The following RIMS1 variants were observed in gnomAD, a reference collection of about 807,000 sequenced individuals.
RIMS1 encodes regulating synaptic membrane exocytosis 1.
A neutral mutation model predicts 214.1 loss-of-function variants in RIMS1; 83 were observed. The observed-to-expected ratio is 0.39, with a 90% CI of 0.32 to 0.47. RIMS1 has a LOEUF of 0.47. Among genes scored for constraint, RIMS1 ranks in the 20% least tolerant of loss-of-function variants. RIMS1 has a pLI of 0.99. For missense variants in RIMS1, 2,050 were observed against 2,161.8 expected, an observed-to-expected ratio of 0.95 and a Z score of 1.03; for synonymous variants, 793 against 786.8, an observed-to-expected ratio of 1.01 and a Z score of -0.13.
intron 2 of RIMS1, among the ~76,000 whole-genome samples, chr6:71,971,066 A>G (rs1795728877): frequency 6.6e-6 from 1 of 152,174 alleles, no homozygotes; most frequent in Admixed American, 6.5e-5. Flanking sequence ...AGTGCCCCCC[A>G]GGTTAGTATT....
intron 28 of RIMS1, among the ~76,000 whole-genome samples, chr6:72,325,634 A>C (rs2096423218): frequency 6.6e-6 from 1 of 151,834 alleles, no homozygotes; most frequent in Non-Finnish European, 1.5e-5. Context: ...AAATAAATCT[A>C]AGACCTAGGA....
rs1318137952 is a variant in RIMS1, at chr6:72,265,388, A to T, written c.3195-2A>T. 1 of 1,484,742 alleles carries T rather than the reference A, an allele frequency of 6.7e-7. No homozygotes were observed. Among genetic ancestry groups the T allele is most frequent in the Non-Finnish European group, 9.3e-7 (1 of 1,077,238 alleles). The allele number at this position is 1,484,742 out of a possible 1,614,324, so 92.0% of individuals were successfully genotyped here. On this transcript the variant is annotated splice_acceptor_variant, in intron 20 of 33. Transcript: ENST00000521978. LOFTEE classifies it high-confidence loss of function. ...ATTTTTGTGTAATTTTAATTTGTGG[A>T]GCTCAATTCTGCCTGCACATACTAA...
intron 1 of RIMS1, among the ~76,000 whole-genome samples, chr6:71,962,596 A>G (rs1021504753): frequency 2.0e-5 from 3 of 152,136 alleles, no homozygotes; most frequent in Non-Finnish European, 2.9e-5. Context: ...TCACTGTTCC[A>G]TCTTCATCTT....
chr6:72,171,352 G>T (rs998814907), intron 4 of RIMS1, among the ~76,000 whole-genome samples: 1 of 150,058 alleles, frequency 6.7e-6, no homozygotes, highest in Non-Finnish European at 1.5e-5. Flanking sequence ...TATTACGTGT[G>T]TGTGTGTATA....
intron 2 of RIMS1, among the ~76,000 whole-genome samples, chr6:72,046,464 A>T (rs528403852): frequency 6.6e-6 from 1 of 152,196 alleles, no homozygotes; most frequent in Non-Finnish European, 1.5e-5. Context: ...ATTAAGAGGG[A>T]TTAGCCTTGA....
At chr6:72,047,286 T>A (rs965603543) in intron 2 of RIMS1, among the ~76,000 whole-genome samples, 2 of 152,168 alleles carry the variant, frequency 1.3e-5, no homozygotes, top group Admixed American at 6.6e-5. Flanking sequence ...AGAAGCACCA[T>A]TGTGACACTC....
chr6:72,179,756 C>G lies in RIMS1; in HGVS notation c.653C>G (p.Ser218Cys). ...KKARLQERSRSQTPLSTAAAS... is the reference protein window; with the variant it reads ...KKARLQERSRCQTPLSTAAAS... ...GCACGACTCCAAGAGCGATCGCGGTCTCAGACACCCCTAAGCACAGCAGCT... is the reference window on the plus strand; with the variant it reads ...GCACGACTCCAAGAGCGATCGCGGTGTCAGACACCCCTAAGCACAGCAGCT... Residue 218 changes from serine (S) to cysteine (C), a missense_variant, in exon 5 of 34, where the codon TCT (serine) becomes TGT (cysteine). Ser to Cys is a moderately radical substitution (Grantham distance 112). This residue lies in a region of RIMS1 where 882 missense variants were observed against 828.9 expected (regional missense o/e 1.06). Transcript: ENST00000521978. 1 of 1,613,868 alleles carries G rather than the reference C, an allele frequency of 6.2e-7. No homozygotes were observed. Among genetic ancestry groups the G allele is most frequent in the Non-Finnish European group, 8.5e-7 (1 of 1,179,886 alleles).
At chr6:71,944,895 C>T (rs985486066) in intron 1 of RIMS1, among the ~76,000 whole-genome samples, 11 of 152,188 alleles carry the variant, frequency 7.2e-5, no homozygotes, top group African/African-American at 2.2e-4. Context: ...TTAGACATTG[C>T]GTTGTTATCT....
intron 23 of RIMS1, among the ~76,000 whole-genome samples, chr6:72,281,519 A>G (rs569524972): frequency 4.6e-5 from 7 of 152,224 alleles, no homozygotes; most frequent in African/African-American, 1.4e-4. Context: ...AAAGCAGGCT[A>G]TTTCAAAAAG....
intron 2 of RIMS1, among the ~76,000 whole-genome samples, chr6:72,024,980 A>G (rs1347251121): frequency 7.1e-6 from 1 of 140,148 alleles, no homozygotes; most frequent in Admixed American, 7.7e-5. Flanking sequence ...CTCGGCTCAG[A>G]GCAACCTCCG....
chr6:72,215,803 A>G (rs2154021238), intron 6 of RIMS1, among the ~76,000 whole-genome samples: 1 of 152,314 alleles, frequency 6.6e-6, no homozygotes, highest in South Asian at 2.1e-4. Flanking sequence ...AATTGTTCAA[A>G]TTAGTCATTT....
intron 29 of RIMS1, among the ~76,000 whole-genome samples, chr6:72,337,346 G>A (rs2096876719): frequency 1.3e-5 from 2 of 151,668 alleles, no homozygotes; most frequent in Admixed American, 1.3e-4. Flanking sequence ...TTATTGGGAA[G>A]GTTCTACAAA....
At chr6:71,995,006 A>G (rs1802949543) in intron 2 of RIMS1, among the ~76,000 whole-genome samples, 1 of 152,240 alleles carries the variant, frequency 6.6e-6, no homozygotes, top group Non-Finnish European at 1.5e-5. Context: ...GTTCTGAATT[A>G]TGTGAGATCT....
intron 4 of RIMS1, among the ~76,000 whole-genome samples, chr6:72,104,751 G>A (rs2034378860): frequency 6.6e-6 from 1 of 152,088 alleles, no homozygotes; most frequent in African/African-American, 2.4e-5. Flanking sequence ...TACATTTGCT[G>A]TATACACTTC....
chr6:71,896,719 T>C (rs191287335), intron 1 of RIMS1, among the ~76,000 whole-genome samples: 164 of 152,278 alleles, frequency 1.1e-3, no homozygotes, highest in African/African-American at 3.9e-3. Context: ...TGAAGAATCT[T>C]TTGAAGCTCC....
chr6:71,945,073 G>A (rs1024326942), intron 1 of RIMS1, among the ~76,000 whole-genome samples: 8 of 152,126 alleles, frequency 5.3e-5, no homozygotes, highest in African/African-American at 1.9e-4. Context: ...GGTTCTAGTA[G>A]GAAAGAGATG....
intron 19 of RIMS1, chr6:72,262,685 G>A: frequency 1.2e-6 from 1 of 841,712 alleles, no homozygotes; most frequent in Non-Finnish European, 1.4e-6. Context: ...GTCAAAATGT[G>A]TACATATAAA....
chr6:71,911,143 G>A lies in RIMS1; in HGVS notation c.164+23956G>A, dbSNP rs185321265. Among the ~76,000 whole-genome samples, 448 of 152,208 alleles carry A rather than the reference G, an allele frequency of 2.9e-3. 5 individuals carry two copies. The South Asian group carries it at 0.038, about 13-fold the overall frequency. ...GTCCCACACAGGCAGTTTACCCTTC[G>A]ACATTGAATTATGCAGTTCTGTTGA... On this transcript the variant is annotated intron_variant, in intron 1 of 33. Transcript: ENST00000521978.
chr6:72,143,037 G>A (rs565127258), intron 4 of RIMS1, among the ~76,000 whole-genome samples: 1 of 152,174 alleles, frequency 6.6e-6, no homozygotes, highest in South Asian at 2.1e-4. Context: ...GAATTGTGAT[G>A]TGATGTATTG....
Sources: gnomAD v4.1 joint callset for allele counts (sites outside exome capture counted in the v4.1 genomes callset) on GRCh38, gnomAD v4.1.1 for gene constraint, gnomAD v4.1.1 regional missense constraint, MANE v1.5 for transcripts, NCBI Gene and HGNC (gene_info 2026-07-23, HGNC 2026-07-21) for gene names.